The following CDH19 variants were observed in gnomAD, a reference collection of about 807,000 sequenced individuals.
CDH19 encodes the protein cadherin-19.
A neutral mutation model predicts 64.2 loss-of-function variants in CDH19; 67 were observed. The observed-to-expected ratio is 1.04, with a 90% CI of 0.86 to 1.28. The LOEUF is 1.28. Among genes scored for constraint, CDH19 ranks in the 50% most tolerant of loss-of-function variants. CDH19 has a pLI of 0.00. For synonymous variants in CDH19, 346 were observed against 319.3 expected, an observed-to-expected ratio of 1.08 and a Z score of -0.89; for missense variants, 1,030 against 929.0, an observed-to-expected ratio of 1.11 and a Z score of -1.41.
intron 9 of CDH19, among the ~76,000 whole-genome samples, chr18:66,515,442 G>T (rs1379022726): frequency 6.6e-6 from 1 of 151,728 alleles, no homozygotes; most frequent in East Asian, 1.9e-4. Context: ...ACTAATAGAA[G>T]TAGAACCAAC....
At chr18:66,596,954 C>T (rs936650240) in intron 1 of CDH19, among the ~76,000 whole-genome samples, 7 of 146,324 alleles carry the variant, frequency 4.8e-5, no homozygotes, top group East Asian at 2.0e-4. Context: ...TAGTGGCGGG[C>T]GCCTGTAGTC....
chr18:66,554,154 T>A (rs1236666439), intron 4 of CDH19, among the ~76,000 whole-genome samples: 1 of 151,988 alleles, frequency 6.6e-6, no homozygotes, highest in Non-Finnish European at 1.5e-5. Context: ...CTTTTTCTAA[T>A]TCATTTAAAA....
chr18:66,551,191 G>C lies in CDH19; in HGVS notation c.678C>G (p.Ala226=), dbSNP rs1187599094. 6.3e-7 allele frequency: 1 copy of C among 1,593,504 alleles called. No individual in the cohort carries two copies. Among genetic ancestry groups the C allele is most frequent in the Non-Finnish European group, 8.6e-7 (1 of 1,161,844 alleles). ...CTCCTGGCTGACCAATCATGTCCTT[G>C]GCTTGAATGATTACCCAATACTCAT... ...LQDEYWVIIQ[A]KDMIGQPGAL... is the part of the protein sequence containing the mutation. The change falls in exon 5 of 12, where the codon GCC becomes GCG. Residue 226 remains alanine (A), a synonymous_variant. Coordinates refer to ENST00000262150, the MANE Select transcript of CDH19 (RefSeq NM_021153.4).
intron 1 of CDH19, among the ~76,000 whole-genome samples, chr18:66,582,934 T>C (rs1018752625): frequency 6.6e-6 from 1 of 152,122 alleles, no homozygotes; most frequent in Non-Finnish European, 1.5e-5. Flanking sequence ...TGAAAAGAGA[T>C]AGATTCCAAT....
rs753641449 is a variant in CDH19 at position 66,505,329 on chromosome 18, C to A, written c.1829-27G>T. 3 of 1,490,918 alleles carry A rather than the reference C, an allele frequency of 2.0e-6. No homozygotes were observed. In the South Asian group the frequency reaches 4.1e-5, roughly 21 times the overall value. 92.4% of individuals were successfully genotyped at this position (1,490,918 alleles called of 1,614,324 possible). On this transcript the variant is annotated intron_variant, in intron 11 of 11. Coordinates refer to ENST00000262150, the MANE Select transcript of CDH19 (RefSeq NM_021153.4). The stretch of plus-strand genomic sequence containing the variant: ...TGATGAAGAAAGCACATCAGAATAT[C>A]AATAAACAATAAAGAGTATTATAAA...
In CDH19 at chr18:66,509,208, T is replaced by C. The variant is rs760264043; in HGVS notation, c.1615A>G (p.Asn539Asp). The change falls in exon 11 of 12, where the codon AAC (asparagine) becomes GAC (aspartate). Residue 539 changes from asparagine to aspartate, a missense_variant. Asn to Asp is a conservative substitution (Grantham distance 23). Transcript: ENST00000262150. ...AVILTNRTGF[N>D]LQEEPVFYIS... ...TAGAAGACAGGTTCTTCTTGAAGGT[T>C]AAAACCAGTTCTATTAGTCAAAATG... The C allele has an allele frequency of 1.2e-5, 19 of 1,612,518 alleles. No individual in the cohort carries two copies. The highest frequency in any genetic ancestry group is 1.5e-5 in the Non-Finnish European group (18 of 1,179,092).
At chr18:66,573,043 T>G (rs1351648740) in intron 1 of CDH19, among the ~76,000 whole-genome samples, 1 of 151,710 alleles carries the variant, frequency 6.6e-6, no homozygotes, top group Non-Finnish European at 1.5e-5. Flanking sequence ...TTCTAGTATT[T>G]AAATATTAAA....
chr18:66,531,093 C>A (rs528986157), intron 8 of CDH19, among the ~76,000 whole-genome samples: 1 of 152,156 alleles, frequency 6.6e-6, no homozygotes, highest in South Asian at 2.1e-4. Context: ...CAATGTAAAC[C>A]GACTCTAGCA....
chr18:66,517,090 G>C (rs1985771548), intron 9 of CDH19, among the ~76,000 whole-genome samples: 1 of 152,048 alleles, frequency 6.6e-6, no homozygotes, highest in Non-Finnish European at 1.5e-5. Context: ...AGGTTAGTCA[G>C]ACACATAGCT....
intron 1 of CDH19, among the ~76,000 whole-genome samples, chr18:66,584,397 T>C (rs776199203): frequency 3.9e-5 from 6 of 152,110 alleles, no homozygotes; most frequent in Non-Finnish European, 7.4e-5. Context: ...GGTGAGAGTA[T>C]AAATTAGTAT....
At chr18:66,592,526 C>T (rs1256814857) in intron 1 of CDH19, among the ~76,000 whole-genome samples, 1 of 151,468 alleles carries the variant, frequency 6.6e-6, no homozygotes, top group Non-Finnish European at 1.5e-5. Context: ...ACAATCTTTC[C>T]CCATTTCCTC....
chr18:66,557,669 CT>C (rs771517557), intron 3 of CDH19, among the ~76,000 whole-genome samples: 4 of 151,832 alleles, frequency 2.6e-5, no homozygotes, highest in Non-Finnish European at 5.9e-5. Context: ...GAAATGCTTA[CT>C]TTTTGGTAAG....
chr18:66,528,195 A>C (rs915173732), intron 9 of CDH19, among the ~76,000 whole-genome samples: 2 of 152,106 alleles, frequency 1.3e-5, no homozygotes, highest in African/African-American at 4.8e-5. Context: ...CAATGTGTCT[A>C]AGTAATCAGA....
chr18:66,565,928 A>C (rs554327354), intron 3 of CDH19, among the ~76,000 whole-genome samples: 1 of 152,078 alleles, frequency 6.6e-6, no homozygotes, highest in South Asian at 2.1e-4. Context: ...TGATTACACA[A>C]ATTGAAAAGA....
Position 66,504,954 on chromosome 18 carries a change from G to C in CDH19, c.2177C>G (p.Thr726Arg). The C allele has an allele frequency of 6.2e-7, 1 of 1,613,504 alleles. No homozygotes were observed. The highest frequency in any genetic ancestry group is 1.7e-4 in the Middle Eastern group (1 of 6,058). The change falls in exon 12 of 12, where the codon ACA (threonine) becomes AGA (arginine). Residue 726 changes from threonine to arginine, a missense_variant. Physicochemically the swap from Thr to Arg is moderately conservative, Grantham distance 71. Transcript: ENST00000262150. ...GCTCAGGGATCCAGCTAATGACCCT[G>C]TTCCCTCAAAAGCGTAGGTCTGGAG... is the stretch of plus-strand genomic sequence containing the variant. ...DSLQTYAFEG[T>R]GSLAGSLSSL...
intron 9 of CDH19, among the ~76,000 whole-genome samples, chr18:66,515,777 C>T (rs1985710916): frequency 6.6e-6 from 1 of 151,656 alleles, no homozygotes; most frequent in Non-Finnish European, 1.5e-5. Flanking sequence ...CACATAAAAT[C>T]AGCATGTATA....
chr18:66,563,152 G>T (rs12454966), intron 3 of CDH19, among the ~76,000 whole-genome samples: 4 of 151,780 alleles, frequency 2.6e-5, no homozygotes, highest in Non-Finnish European at 5.9e-5. Flanking sequence ...TATTATGTAA[G>T]CAATAGAGAA....
intron 1 of CDH19, among the ~76,000 whole-genome samples, chr18:66,590,737 G>T (rs1988720456): frequency 6.6e-6 from 1 of 151,884 alleles, no homozygotes; most frequent in African/African-American, 2.4e-5. Context: ...AAATTGAAAT[G>T]CAAAAGAATG....
At chr18:66,539,846 A>C (rs763226417) in intron 7 of CDH19, among the ~76,000 whole-genome samples, 4 of 151,980 alleles carry the variant, frequency 2.6e-5, no homozygotes, top group Non-Finnish European at 5.9e-5. Context: ...ATGCATGTGT[A>C]TGTATACATA....
Sources: allele counts gnomAD v4.1 joint callset (sites outside exome capture counted in the v4.1 genomes callset), GRCh38; gene constraint gnomAD v4.1.1; transcripts MANE v1.5; gene names NCBI Gene and HGNC (gene_info 2026-07-23, HGNC 2026-07-21).